Variants in RNF114 observed in about 807,000 individuals in gnomAD.
RNF114 encodes the protein E3 ubiquitin-protein ligase RNF114.
In RNF114, 6 loss-of-function variants were observed where a neutral mutation model predicts 28.4. That is an observed-to-expected ratio of 0.21 (90% CI 0.12 to 0.42). The LOEUF is 0.42. Ranked by LOEUF, RNF114 falls within the 10% of genes least tolerant of loss-of-function variation. The pLI is 1.00. For synonymous variants in RNF114, 115 were observed against 116.7 expected, an observed-to-expected ratio of 0.99 and a Z score of 0.09; for missense variants, 249 against 311.7, an observed-to-expected ratio of 0.80 and a Z score of 1.51.
At chr20:49,945,778 G>A (rs1430655453) in intron 3 of RNF114, among the ~76,000 whole-genome samples, 2 of 152,172 alleles carry the variant, frequency 1.3e-5, no homozygotes, top group African/African-American at 4.8e-5. Flanking sequence ...CGATTCTCCT[G>A]CCTCAACCTC....
At chr20:49,938,952 T>A (rs2090297238) in intron 1 of RNF114, among the ~76,000 whole-genome samples, 1 of 152,242 alleles carries the variant, frequency 6.6e-6, no homozygotes, top group Non-Finnish European at 1.5e-5. Flanking sequence ...AGGCCCTGCC[T>A]GTCTCTACTG....
chr20:49,951,935 GCATCA>G (rs1229347477), intron 5 of RNF114, 136 bp from the exon 6 acceptor site: 1 of 653,782 alleles, frequency 1.5e-6, no homozygotes, highest in Non-Finnish European at 2.8e-6. Flanking sequence ...TACATACCTA[GCATCA>G]CAAACAGTTG....
In RNF114 at chr20:49,936,667, G is replaced by C. The variant is rs569561232; in HGVS notation, c.140+115G>C. 3.4e-4 allele frequency: 447 copies of C among 1,329,568 alleles called. 7 individuals are homozygous for C. In the East Asian group the frequency reaches 0.014, roughly 40 times the overall value. 82.4% of individuals were successfully genotyped at this position (1,329,568 alleles called of 1,614,324 possible). Reference sequence around the variant, plus strand: ...GAGGACCCACCCAGAGGGGCCTCCCGGGGGTGTCCCCCGGGGCTCCTAAGG... The same window carrying C: ...GAGGACCCACCCAGAGGGGCCTCCCCGGGGTGTCCCCCGGGGCTCCTAAGG... On this transcript the variant is annotated intron_variant, in intron 1 of 5. Transcript: ENST00000244061.
chr20:49,947,399 C>T (rs185163077), intron 4 of RNF114, among the ~76,000 whole-genome samples: 2 of 152,024 alleles, frequency 1.3e-5, no homozygotes, highest in Admixed American at 6.6e-5. Context: ...GTTGTATGGG[C>T]AGCCTTCAGC....
At chr20:49,951,917 C>T (rs2090356562) in intron 5 of RNF114, among the ~76,000 whole-genome samples, 159 bp from the exon 6 acceptor site, 1 of 152,188 alleles carries the variant, frequency 6.6e-6, no homozygotes, top group Admixed American at 6.5e-5. Flanking sequence ...GATTAATTTT[C>T]CCAAAGTTAC....
At chr20:49,936,593 G>C (rs780874648) in intron 1 of RNF114, 41 bp downstream of exon 1, 1 of 1,567,698 alleles carries the variant, frequency 6.4e-7, no homozygotes, top group South Asian at 1.2e-5. Flanking sequence ...GCGCTTAACT[G>C]GGAAGGGAAT....
intron 2 of RNF114, chr20:49,944,174 T>A (rs2090319838): frequency 6.6e-6 from 1 of 151,718 alleles, no homozygotes. Context: ...GCTCAAACCA[T>A]CCTCCCACCT....
chr20:49,940,773 C>A (rs112100974), intron 1 of RNF114, among the ~76,000 whole-genome samples: 8 of 151,032 alleles, frequency 5.3e-5, no homozygotes, highest in Admixed American at 4.0e-4. Context: ...CCTCCACCCC[C>A]CCCTTGAGAC....
rs762342639 is a variant in RNF114 at position 49,941,690 on chromosome 20, T to C, written c.270T>C (p.Ser90=). Residue 90 remains serine, a synonymous_variant, in exon 2 of 6, where the codon TCT becomes TCC. Transcript: ENST00000244061. ...GGCAGATCGAGAGCACAGAGACTTCTTGCCATGGCTGCCGTAAGAATGTAT... is the reference window on the plus strand; with the variant it reads ...GGCAGATCGAGAGCACAGAGACTTCCTGCCATGGCTGCCGTAAGAATGTAT... The part of the protein sequence containing the change: ...LERQIESTET[S]CHGCRKNFFL... The C allele has an allele frequency of 5.0e-6, 8 of 1,611,842 alleles. No homozygotes were observed. Among genetic ancestry groups the C allele is most frequent in the Non-Finnish European group, 6.8e-6 (8 of 1,179,552 alleles).
intron 2 of RNF114, 135 bp from the exon 3 acceptor site, chr20:49,945,247 G>C (rs1181266415): frequency 2.0e-5 from 12 of 607,326 alleles, no homozygotes; most frequent in African/African-American, 3.7e-5. Context: ...AGCCCCATCA[G>C]CGTAGTCAGG....
intron 4 of RNF114, among the ~76,000 whole-genome samples, chr20:49,948,831 C>G (rs1271902703): frequency 6.6e-6 from 1 of 152,174 alleles, no homozygotes; most frequent in Non-Finnish European, 1.5e-5. Flanking sequence ...TCAGCCTGAT[C>G]CCCCTCTTCT....
intron 4 of RNF114, among the ~76,000 whole-genome samples, chr20:49,946,722 G>A (rs1384488076): frequency 6.6e-6 from 1 of 152,130 alleles, no homozygotes; most frequent in Non-Finnish European, 1.5e-5. Context: ...ATTAAGTCAT[G>A]TGATGTCTGT....
intron 4 of RNF114, among the ~76,000 whole-genome samples, chr20:49,947,466 A>G (rs1309924937): frequency 1.3e-5 from 2 of 152,076 alleles, no homozygotes; most frequent in Non-Finnish European, 2.9e-5. Flanking sequence ...CTTTTGTGAG[A>G]GTACTAGGGC....
intron 4 of RNF114, among the ~76,000 whole-genome samples, chr20:49,947,778 T>TGTTTTG (rs2090339152): frequency 3.9e-4 from 9 of 23,318 alleles, no homozygotes; most frequent in African/African-American, 1.7e-3. Context: ...AGTTTTTTTT[T>TGTTTTG]TTTTTTTTTT....
rs1316806479 is a variant in RNF114, at chr20:49,952,455, T to G, written c.*314T>G. 3 of 516,772 alleles carry G rather than the reference T, an allele frequency of 5.8e-6. No individual in the cohort carries two copies. The highest frequency in any genetic ancestry group is 1.9e-5 in the African/African-American group (1 of 52,808). 32.0% of individuals were successfully genotyped at this position (516,772 alleles called of 1,614,324 possible). A position where few individuals can be genotyped will look rare whatever the true frequency, so the allele number is the denominator to read the frequency against. On this transcript the variant is annotated 3_prime_UTR_variant, in exon 6 of 6. Transcript: ENST00000244061. ...TAATCTAGCTTCTCCACCTCTTGTT[T>G]CACACTCATTCCTCCCATCCAGTGT...
chr20:49,952,033 C>T (rs1456382722), intron 5 of RNF114, 43 bp from the exon 6 acceptor site: 1 of 1,466,602 alleles, frequency 6.8e-7, no homozygotes, highest in South Asian at 1.1e-5. Flanking sequence ...GTCTTTGCAT[C>T]TAGAAACAGT....
intron 1 of RNF114, 66 bp from the exon 2 acceptor site, chr20:49,941,495 T>C: frequency 6.7e-7 from 1 of 1,486,962 alleles, no homozygotes; most frequent in Non-Finnish European, 9.0e-7. Context: ...TTTTTAAAAG[T>C]TGATCCATAT....
chr20:49,941,835 A>ATCACCACAGGTAATTGGC, intron 2 of RNF114, 124 bp downstream of exon 2: 2 of 955,174 alleles, frequency 2.1e-6, no homozygotes, highest in Non-Finnish European at 3.1e-6. Context: ...CGTGCATGCC[A>ATCACCACAGGTAATTGGC]ATTACCTGTG....
chr20:49,949,153 A>G lies in RNF114; in HGVS notation c.514-95A>G, dbSNP rs2090346216. On this transcript the variant is annotated intron_variant, in intron 4 of 5. Coordinates refer to ENST00000244061, the MANE Select transcript of RNF114 (RefSeq NM_018683.4). Reference sequence around the variant, plus strand: ...CTGGCCCTGGACAGTATGTCAGGAAAGCTGTCCTGGAAGAAAGGAGGCCAG... The same window carrying G: ...CTGGCCCTGGACAGTATGTCAGGAAGGCTGTCCTGGAAGAAAGGAGGCCAG... 8 of 957,130 alleles carry G rather than the reference A, an allele frequency of 8.4e-6. No homozygotes were observed. The South Asian group carries it at 1.1e-4, about 13-fold the overall frequency. 59.3% of individuals were successfully genotyped at this position (957,130 alleles called of 1,614,324 possible). A position where few individuals can be genotyped will look rare whatever the true frequency, so the allele number is the denominator to read the frequency against.
Sources: gnomAD v4.1 joint callset for allele counts (sites outside exome capture counted in the v4.1 genomes callset) on GRCh38, gnomAD v4.1.1 for gene constraint, MANE v1.5 for transcripts, NCBI Gene and HGNC (gene_info 2026-07-23, HGNC 2026-07-21) for gene names.